The following ITPR2 variants were observed in gnomAD, a reference collection of about 807,000 sequenced individuals.
ITPR2 encodes inositol 1,4,5-trisphosphate receptor type 2.
In ITPR2, 207 loss-of-function variants were observed where a neutral mutation model predicts 317.1. That is an observed-to-expected ratio of 0.65 (90% CI 0.58 to 0.73). ITPR2 has a LOEUF of 0.73. ITPR2 is among the 30% of genes least tolerant of loss of function. The pLI is 0.00. For missense variants in ITPR2, 2,613 were observed against 3,284.0 expected, an observed-to-expected ratio of 0.80 and a Z score of 4.99; for synonymous variants, 1,156 against 1,149.1, an observed-to-expected ratio of 1.01 and a Z score of -0.12.
At chr12:26,778,755 T>C (rs1950023858) in intron 2 of ITPR2, among the ~76,000 whole-genome samples, 1 of 152,242 alleles carries the variant, frequency 6.6e-6, no homozygotes, top group South Asian at 2.1e-4. Context: ...GCAAACACAC[T>C]GGACTTATTT....
At chr12:26,608,522 G>C (rs1946190476) in intron 26 of ITPR2, among the ~76,000 whole-genome samples, 1 of 151,530 alleles carries the variant, frequency 6.6e-6, no homozygotes, top group South Asian at 2.1e-4. Flanking sequence ...CCCTCTGCTT[G>C]GCCGCCCCAC....
Position 26,833,151 on chromosome 12 carries a change from C to A in ITPR2, c.-370G>T. Reference sequence around the variant, plus strand: ...CTCCCCACTCCGTGTCCACTCCCTGCTCTGCGACCCGCTGCGGCCGTCACA... The same window carrying A: ...CTCCCCACTCCGTGTCCACTCCCTGATCTGCGACCCGCTGCGGCCGTCACA... On this transcript the variant is annotated 5_prime_UTR_variant, in exon 1 of 57. Coordinates refer to ENST00000381340, the MANE Select transcript of ITPR2 (RefSeq NM_002223.4). The A allele has an allele frequency of 4.4e-6, 1 of 229,094 alleles. No homozygotes were observed. The highest frequency in any genetic ancestry group is 8.4e-6 in the Non-Finnish European group (1 of 118,714). The allele number at this position is 229,094 out of a possible 1,614,324, so 14.2% of individuals were successfully genotyped here.
intron 2 of ITPR2, among the ~76,000 whole-genome samples, chr12:26,770,587 A>G (rs1034623010): frequency 6.6e-6 from 1 of 152,212 alleles, no homozygotes. Flanking sequence ...TATGACAAGG[A>G]GCAAGTTACT....
chr12:26,594,288 A>G (rs1389726276), intron 32 of ITPR2, among the ~76,000 whole-genome samples: 1 of 149,792 alleles, frequency 6.7e-6, no homozygotes, highest in East Asian at 1.9e-4. Flanking sequence ...TCACTTGGAA[A>G]CCCTGGCTAA....
intron 2 of ITPR2, among the ~76,000 whole-genome samples, chr12:26,750,876 G>A (rs938562480): frequency 3.3e-5 from 5 of 152,190 alleles, no homozygotes; most frequent in Non-Finnish European, 7.3e-5. Context: ...TAGAGATCAG[G>A]TGGCATTTAA....
At chr12:26,721,003 T>C (rs971011578) in intron 5 of ITPR2, among the ~76,000 whole-genome samples, 7 of 152,140 alleles carry the variant, frequency 4.6e-5, no homozygotes, top group African/African-American at 1.4e-4. Flanking sequence ...GGACCTCCTG[T>C]AGACAGGGAT....
chr12:26,467,378 T>C (rs1591809125), intron 45 of ITPR2, among the ~76,000 whole-genome samples: 3 of 152,290 alleles, frequency 2.0e-5, no homozygotes, highest in Non-Finnish European at 4.4e-5. Context: ...TCTCTCTTTC[T>C]CTTTCTCTCT....
intron 34 of ITPR2, among the ~76,000 whole-genome samples, chr12:26,570,904 T>C (rs1004936267): frequency 3.3e-5 from 5 of 152,174 alleles, no homozygotes; most frequent in Non-Finnish European, 7.4e-5. Context: ...ATGGTGTACA[T>C]TTACTGCAGA....
rs576526577 is a variant in ITPR2 at position 26,800,996 on chromosome 12, A to G, written c.93-10769T>C. ...ACAGGAGGTACTCAGAGGCTGCCAC[A>G]CTGCCTGGGGGTGGCCCTGGTGAAG... On this transcript the variant is annotated intron_variant, in intron 1 of 56. Coordinates refer to ENST00000381340, the MANE Select transcript of ITPR2 (RefSeq NM_002223.4). 4 of 180,796 alleles carry G rather than the reference A, an allele frequency of 2.2e-5. No individual in the cohort carries two copies. In the South Asian group the frequency reaches 5.3e-4, roughly 24 times the overall value. 11.2% of individuals were successfully genotyped at this position (180,796 alleles called of 1,614,324 possible).
intron 2 of ITPR2, among the ~76,000 whole-genome samples, chr12:26,766,479 T>C (rs1040423553): frequency 2.0e-5 from 3 of 152,202 alleles, no homozygotes; most frequent in African/African-American, 7.2e-5. Context: ...GTCTTTTTAT[T>C]ATCGATTTAT....
intron 1 of ITPR2, among the ~76,000 whole-genome samples, chr12:26,806,673 T>C (rs181583102): frequency 6.6e-6 from 1 of 152,372 alleles, no homozygotes; most frequent in African/African-American, 2.4e-5. Context: ...TGGTAGTAGC[T>C]GGGACTACAG....
rs192047047 is a variant in ITPR2, at chr12:26,597,923, T to G, written c.4003-789A>C. Among the ~76,000 whole-genome samples the G allele has an allele frequency of 3.4e-3, 518 of 152,324 alleles. 4 individuals carry two copies. Among genetic ancestry groups the G allele is most frequent in the African/African-American group, 0.012 (496 of 41,584 alleles). On this transcript the variant is annotated intron_variant, in intron 30 of 56. Coordinates refer to ENST00000381340, the MANE Select transcript of ITPR2 (RefSeq NM_002223.4). ...TATTATATTTAAAGTGACAATATATTTAAATCTATAAGCCGATTCATTGGC... is the reference window on the plus strand; with the variant it reads ...TATTATATTTAAAGTGACAATATATGTAAATCTATAAGCCGATTCATTGGC...
rs868590731 is a variant in ITPR2 at position 26,755,857 on chromosome 12, C to T, written c.164-30092G>A. 4.6e-5 allele frequency among the ~76,000 whole-genome samples: 7 copies of T among 152,184 alleles called. 1 individual carries two copies. In the Middle Eastern group the frequency reaches 0.02, roughly 444 times the overall value. ...ACAGTCCCTATACAGAGTTTCTGAC[C>T]TGTAGTAAGTAAAGAATGTGACTTT... On this transcript the variant is annotated intron_variant, in intron 2 of 56. Transcript: ENST00000381340.
At chr12:26,602,306 T>C in intron 28 of ITPR2, 64 bp downstream of exon 28, 1 of 1,541,990 alleles carries the variant, frequency 6.5e-7, no homozygotes, top group Non-Finnish European at 8.7e-7. Flanking sequence ...TCTTGGAACT[T>C]TGCAAAACAT....
intron 10 of ITPR2, among the ~76,000 whole-genome samples, chr12:26,694,711 A>G (rs2136988279): frequency 6.6e-6 from 1 of 152,302 alleles, no homozygotes; most frequent in East Asian, 1.9e-4. Flanking sequence ...GAACCCAACA[A>G]TCCTGGGGCA....
intron 51 of ITPR2, among the ~76,000 whole-genome samples, chr12:26,411,750 A>G (rs1416628674): frequency 6.6e-6 from 1 of 152,196 alleles, no homozygotes; most frequent in Non-Finnish European, 1.5e-5. Flanking sequence ...GATGCCAGGA[A>G]CATATTCCCC....
chr12:26,620,706 A>G (rs1946472488), intron 26 of ITPR2, among the ~76,000 whole-genome samples: 1 of 152,228 alleles, frequency 6.6e-6, no homozygotes, highest in African/African-American at 2.4e-5. Context: ...ATACTTTTAT[A>G]TATTATATAA....
At chr12:26,764,720 A>C (rs1403575257) in intron 2 of ITPR2, among the ~76,000 whole-genome samples, 3 of 151,814 alleles carry the variant, frequency 2.0e-5, no homozygotes, top group African/African-American at 7.2e-5. Context: ...ACAACAACAA[A>C]AAAACTGTAC....
intron 45 of ITPR2, among the ~76,000 whole-genome samples, chr12:26,454,476 G>T (rs1941828556): frequency 3.9e-5 from 6 of 152,162 alleles, no homozygotes; most frequent in Admixed American, 3.9e-4. Flanking sequence ...AAAGTGCTGG[G>T]ATTACAGGCG....
Sources: gnomAD v4.1 joint callset for allele counts (sites outside exome capture counted in the v4.1 genomes callset) on GRCh38, gnomAD v4.1.1 for gene constraint, MANE v1.5 for transcripts, NCBI Gene and HGNC (gene_info 2026-07-23, HGNC 2026-07-21) for gene names.